IARS1: variants seen among roughly 807,000 people sequenced by gnomAD.
The protein encoded by IARS1 is isoleucyl-tRNA synthetase 1, also known as isoleucine--tRNA ligase, cytoplasmic.
In IARS1, 124 loss-of-function variants were observed where a neutral mutation model predicts 168.2. That is an observed-to-expected ratio of 0.74 (90% CI 0.64 to 0.86). IARS1 has a LOEUF of 0.86. Among genes scored for constraint, IARS1 ranks in the 40% least tolerant of loss-of-function variants. The pLI is 0.00. For missense variants in IARS1, 1,452 were observed against 1,515.8 expected, an observed-to-expected ratio of 0.96 and a Z score of 0.70; for synonymous variants, 532 against 529.4, an observed-to-expected ratio of 1.00 and a Z score of -0.07.
At chr9:92,253,486 T>A (rs1455501349) in intron 20 of IARS1, 33 bp from the exon 21 acceptor site, 2 of 1,466,742 alleles carry the variant, frequency 1.4e-6, no homozygotes, top group Non-Finnish European at 1.9e-6. Flanking sequence ...AGGCAGCAAG[T>A]GGGTTACCAG....
intron 4 of IARS1, 82 bp from the exon 5 acceptor site, chr9:92,286,700 C>T (rs1835521337): frequency 1.3e-6 from 1 of 779,292 alleles, no homozygotes; most frequent in Non-Finnish European, 2.1e-6. Context: ...CTGTTGTCAT[C>T]ACAAATGAAA....
chr9:92,257,185 T>A (rs1476026845), intron 19 of IARS1, among the ~76,000 whole-genome samples: 1 of 152,234 alleles, frequency 6.6e-6, no homozygotes, highest in African/African-American at 2.4e-5. Context: ...AAATGAGTAC[T>A]GGGAAATAAT....
At chr9:92,213,675 C>G (rs7040949) in intron 33 of IARS1, among the ~76,000 whole-genome samples, 61,159 of 152,024 alleles carry the variant, frequency 0.4, 14,471 homozygotes, top group African/African-American at 0.65. Flanking sequence ...CTTGAGCCAT[C>G]CCATTTGTGG....
At chr9:92,214,050 G>C (rs1358968285) in intron 33 of IARS1, among the ~76,000 whole-genome samples, 3 of 151,826 alleles carry the variant, frequency 2.0e-5, no homozygotes, top group African/African-American at 7.3e-5. Context: ...GCCTCCCAAA[G>C]TGCTGGGATT....
chr9:92,215,873 C>G (rs1838590954), intron 33 of IARS1, among the ~76,000 whole-genome samples: 1 of 152,092 alleles, frequency 6.6e-6, no homozygotes, highest in Non-Finnish European at 1.5e-5. Flanking sequence ...GGAGAACTTC[C>G]CCTATCTAGC....
chr9:92,255,953 T>C (rs1199754039), intron 20 of IARS1, among the ~76,000 whole-genome samples: 1 of 152,222 alleles, frequency 6.6e-6, no homozygotes, highest in East Asian at 1.9e-4. Flanking sequence ...GATATGACTA[T>C]TACACACTGT....
Position 92,210,701 on chromosome 9 carries a change from G to C in IARS1, c.*106C>G, listed in dbSNP as rs965826483. ...CAAGCAGCATATTTTACACACACCTGAAGGAAATATCTTCAGTGTGTTCAT... is the reference window on the plus strand; with the variant it reads ...CAAGCAGCATATTTTACACACACCTCAAGGAAATATCTTCAGTGTGTTCAT... On this transcript the variant is annotated 3_prime_UTR_variant, in exon 34 of 34. Transcript: ENST00000443024. 2 of 729,490 alleles carry C rather than the reference G, an allele frequency of 2.7e-6. No individual in the cohort carries two copies. Among genetic ancestry groups the C allele is most frequent in the Non-Finnish European group, 2.5e-6 (1 of 402,160 alleles). The allele number at this position is 729,490 out of a possible 1,614,324, so 45.2% of individuals were successfully genotyped here. A position where few individuals can be genotyped will look rare whatever the true frequency, so the allele number is the denominator to read the frequency against.
chr9:92,243,872 C>G (rs1209542774), intron 27 of IARS1, among the ~76,000 whole-genome samples: 2 of 152,196 alleles, frequency 1.3e-5, no homozygotes, highest in East Asian at 1.9e-4. Context: ...TCTATCTCAT[C>G]TATTCTGAAG....
chr9:92,281,545 C>T (rs763973369), intron 6 of IARS1, among the ~76,000 whole-genome samples: 1 of 152,038 alleles, frequency 6.6e-6, no homozygotes. Context: ...GATAACTGTT[C>T]TGGAATATGG....
At position 92,249,943 on chromosome 9, in the gene IARS1, T is replaced by C; in HGVS notation, c.2533-2A>G. On this transcript the variant is annotated splice_acceptor_variant, in intron 24 of 33. Transcript: ENST00000443024. LOFTEE classifies it high-confidence loss of function. ...AACCACAATTTCTTTCAAAGGATAC[T>C]AGGAGGAAAAGGGAGGGGAAAGTTC... 3 of 1,578,482 alleles carry C rather than the reference T, an allele frequency of 1.9e-6. No individual in the cohort carries two copies. Among genetic ancestry groups the C allele is most frequent in the South Asian group, 1.1e-5 (1 of 89,608 alleles).
Position 92,256,778 on chromosome 9 carries a change from T to C in IARS1, c.2039A>G (p.Tyr680Cys). The C allele has an allele frequency of 6.2e-7, 1 of 1,613,324 alleles. No homozygotes were observed. Among genetic ancestry groups the C allele is most frequent in the Non-Finnish European group, 8.5e-7 (1 of 1,179,426 alleles). The change falls in exon 20 of 34, where the codon TAC becomes TGC. Residue 680 changes from tyrosine (Y) to cysteine (C), a missense_variant. Transcript: ENST00000443024. ...GCTTTCTCTAACCGTGTTCTCATTG[T>C]AGAGAAATTCTATTTCTTCCTCCTA... is the stretch of plus-strand genomic sequence containing the variant. ...LQKEEEIEFL[Y>C]NENTVRESPN...
chr9:92,250,925 A>G, intron 22 of IARS1, 91 bp from the exon 23 acceptor site: 2 of 1,404,052 alleles, frequency 1.4e-6, no homozygotes, highest in Non-Finnish European at 1.9e-6. Context: ...CATGTTAGAG[A>G]ATGACACAGT....
rs1473766871 is a variant in IARS1, at chr9:92,228,947, TTCACCAATCCA to T, written c.3409+43_3409+53del. 14 of 1,605,330 alleles carry T rather than the reference TTCACCAATCCA, an allele frequency of 8.7e-6. No homozygotes were observed. In the Admixed American group the frequency reaches 1.0e-4, roughly 12 times the overall value. ...GTACAACTGACAGCAAATTAAGACCTTCACCAATCCATCTTGAGTCAAAGGACGTAGGCTCC... is the reference window on the plus strand; with the variant it reads ...GTACAACTGACAGCAAATTAAGACCTTCTTGAGTCAAAGGACGTAGGCTCC... On this transcript the variant is annotated intron_variant, in intron 31 of 33. Coordinates refer to ENST00000443024, the MANE Select transcript of IARS1 (RefSeq NM_002161.6).
intron 30 of IARS1, 23 bp from the exon 31 acceptor site, chr9:92,229,149 C>T (rs778493285): frequency 2.5e-6 from 4 of 1,604,762 alleles, no homozygotes; most frequent in Non-Finnish European, 3.4e-6. Flanking sequence ...AAAAATAACA[C>T]CTCAATCAGA....
intron 33 of IARS1, among the ~76,000 whole-genome samples, chr9:92,219,525 A>G (rs1473855612): frequency 6.6e-6 from 1 of 150,814 alleles, no homozygotes; most frequent in East Asian, 1.9e-4. Flanking sequence ...CTCATCTGAC[A>G]AAGGGCTAAT....
At chr9:92,251,950 AGTT>A in intron 21 of IARS1, 65 bp from the exon 22 acceptor site, 1 of 1,198,642 alleles carries the variant, frequency 8.3e-7, no homozygotes, top group Non-Finnish European at 1.2e-6. Flanking sequence ...TAAAAAAATA[AGTT>A]TATTAAAAAG....
chr9:92,269,900 T>TTGTTCCTTAGGAGCTGGTCCACCA lies in IARS1; in HGVS notation c.1265_1288dup (p.Met422_Asn429dup). 1 of 1,612,378 alleles carries TTGTTCCTTAGGAGCTGGTCCACCA rather than the reference T, an allele frequency of 6.2e-7. No homozygotes were observed. Among genetic ancestry groups the TTGTTCCTTAGGAGCTGGTCCACCA allele is most frequent in the Non-Finnish European group, 8.5e-7 (1 of 1,178,454 alleles). The stretch of plus-strand genomic sequence containing the variant: ...TACTGCTCACCAGTAGCACAGGTCA[T>TTGTTCCTTAGGAGCTGGTCCACCA]TGTTCCTTAGGAGCTGGTCCACCAT... On this transcript the variant is annotated inframe_insertion, in exon 13 of 34. Transcript: ENST00000443024.
chr9:92,240,906 G>A lies in IARS1; in HGVS notation c.3233C>T (p.Pro1078Leu). The A allele has an allele frequency of 6.2e-7, 1 of 1,613,584 alleles. No individual in the cohort carries two copies. The highest frequency in any genetic ancestry group is 8.5e-7 in the Non-Finnish European group (1 of 1,179,614). Residue 1078 changes from proline (P) to leucine (L), a missense_variant, in exon 30 of 34, where the codon CCT (proline) becomes CTT (leucine). Physicochemically the swap from Pro to Leu is moderately conservative, Grantham distance 98. Coordinates refer to ENST00000443024, the MANE Select transcript of IARS1 (RefSeq NM_002161.6). ...GTTAAGATTGACATATGCACAAGCA[G>A]GACCAGGAAGGGAAGATCCTCTGGT... ...TLTRGSSLPG[P>L]ACAYVNLNIC...
Position 92,292,181 on chromosome 9 carries a change from C to CTTTTTTTTTTTT in IARS1, c.-8+1418_-8+1429dup, listed in dbSNP as rs57075703. On this transcript the variant is annotated intron_variant, in intron 1 of 33. Coordinates refer to ENST00000443024, the MANE Select transcript of IARS1 (RefSeq NM_002161.6). ...TACAGGTGTGCACCACCACACTCAG[C>CTTTTTTTTTTTT]TTTTTTTTTTTTTTTTTTTGGTGGG... 2.4e-3 allele frequency among the ~76,000 whole-genome samples: 284 copies of CTTTTTTTTTTTT among 117,966 alleles called. 7 individuals carry two copies. Among genetic ancestry groups the CTTTTTTTTTTTT allele is most frequent in the African/African-American group, 8.8e-3 (278 of 31,510 alleles). The allele number at this position is 117,966 out of a possible 152,430, so 77.4% of individuals were successfully genotyped here.
Sources: allele counts gnomAD v4.1 joint callset (sites outside exome capture counted in the v4.1 genomes callset), GRCh38; gene constraint gnomAD v4.1.1; transcripts MANE v1.5; gene names NCBI Gene and HGNC (gene_info 2026-07-23, HGNC 2026-07-21).